Variants in SYNPR observed in about 807,000 individuals in gnomAD.
The protein encoded by SYNPR is synaptoporin.
In SYNPR, 23 loss-of-function variants were observed where a neutral mutation model predicts 32.9. The observed-to-expected ratio is 0.70, with a 90% CI of 0.50 to 0.99. The LOEUF (loss-of-function observed/expected upper bound fraction) is 0.99. SYNPR is among the 50% of genes least tolerant of loss of function. The pLI is 0.00. For missense variants in SYNPR, 318 were observed against 349.3 expected (o/e 0.91, Z 0.71); for synonymous variants, 146 against 135.9 (o/e 1.07, Z -0.52).
intron 2 of SYNPR, among the ~76,000 whole-genome samples, chr3:63,372,119 C>A (rs969331741): frequency 6.6e-6 from 1 of 152,224 alleles, no homozygotes; most frequent in East Asian, 1.9e-4. Context: ...TGACCAACAG[C>A]CCCTCTGCCA....
chr3:63,527,309 C>T (rs1326883916), intron 3 of SYNPR, among the ~76,000 whole-genome samples: 4 of 152,030 alleles, frequency 2.6e-5, no homozygotes, highest in Admixed American at 2.6e-4. Flanking sequence ...TGTCCATGTC[C>T]TCATGGAGAG....
At chr3:63,452,743 G>C (rs1265188015) in intron 2 of SYNPR, among the ~76,000 whole-genome samples, 1 of 152,148 alleles carries the variant, frequency 6.6e-6, no homozygotes, top group African/African-American at 2.4e-5. Flanking sequence ...TGGTGACTCT[G>C]AGAGTATAGC....
At chr3:63,359,609 C>G (rs1489938204) in intron 2 of SYNPR, among the ~76,000 whole-genome samples, 1 of 152,194 alleles carries the variant, frequency 6.6e-6, no homozygotes, top group African/African-American at 2.4e-5. Context: ...TCACTTTGAG[C>G]AGTACTCCAT....
At chr3:63,410,180 T>C (rs2088443101) in intron 2 of SYNPR, among the ~76,000 whole-genome samples, 1 of 152,222 alleles carries the variant, frequency 6.6e-6, no homozygotes, top group Non-Finnish European at 1.5e-5. Context: ...AATTATGAAC[T>C]GTCTACTGTA....
intron 3 of SYNPR, among the ~76,000 whole-genome samples, chr3:63,494,405 A>ATATACG (rs1553641137): frequency 1.7e-4 from 9 of 53,226 alleles, no homozygotes; most frequent in Middle Eastern, 7.5e-3. Context: ...ATATATATAT[A>ATATACG]TATATATATA....
At chr3:63,230,925 T>C (rs535826802) in intron 1 of SYNPR, among the ~76,000 whole-genome samples, 2 of 152,274 alleles carry the variant, frequency 1.3e-5, no homozygotes, top group South Asian at 2.1e-4. Flanking sequence ...AAGGAGGATG[T>C]CAAGAGACTC....
Position 63,278,745 on chromosome 3 carries a change from G to C in SYNPR, c.84+3G>C. 1 of 1,551,600 alleles carries C rather than the reference G, an allele frequency of 6.4e-7. No individual in the cohort carries two copies. The highest frequency in any genetic ancestry group is 8.7e-7 in the Non-Finnish European group (1 of 1,146,996). ...CCTTCCTGCGAGCCCTGGAATTGGTGAGTAGCAGTGTGTGTGCAGGGAGGG... is the reference window on the plus strand; with the variant it reads ...CCTTCCTGCGAGCCCTGGAATTGGTCAGTAGCAGTGTGTGTGCAGGGAGGG... On this transcript the variant is annotated splice_donor_region_variant and intron_variant, in intron 2 of 5. Coordinates refer to ENST00000478300, the MANE Select transcript of SYNPR (RefSeq NM_001130003.2).
At chr3:63,597,089 T>C (rs1467334163) in intron 4 of SYNPR, among the ~76,000 whole-genome samples, 1 of 152,198 alleles carries the variant, frequency 6.6e-6, no homozygotes, top group Non-Finnish European at 1.5e-5. Flanking sequence ...ATATAATCAA[T>C]TGCATCAATT....
At chr3:63,373,778 A>G (rs2087849242) in intron 2 of SYNPR, among the ~76,000 whole-genome samples, 1 of 152,134 alleles carries the variant, frequency 6.6e-6, no homozygotes, top group South Asian at 2.1e-4. Context: ...CATAATCATC[A>G]GATTCTTCAA....
intron 3 of SYNPR, among the ~76,000 whole-genome samples, chr3:63,544,031 G>A (rs1256383679): frequency 6.6e-6 from 1 of 152,006 alleles, no homozygotes; most frequent in African/African-American, 2.4e-5. Flanking sequence ...CCAGGTTAAG[G>A]GGTTTGAATA....
chr3:63,597,263 G>A (rs971773430), intron 4 of SYNPR, among the ~76,000 whole-genome samples: 9 of 152,140 alleles, frequency 5.9e-5, no homozygotes, highest in African/African-American at 1.7e-4. Flanking sequence ...TTAAATAAAT[G>A]TGTTTTTGAA....
intron 3 of SYNPR, among the ~76,000 whole-genome samples, chr3:63,494,240 G>A (rs1701313168): frequency 6.6e-6 from 1 of 151,094 alleles, no homozygotes; most frequent in South Asian, 2.1e-4. Flanking sequence ...AAATGTGGTA[G>A]TAATAGGTGA....
chr3:63,288,850 A>G (rs537035520), intron 2 of SYNPR, among the ~76,000 whole-genome samples: 2 of 152,174 alleles, frequency 1.3e-5, no homozygotes, highest in Non-Finnish European at 1.5e-5. Context: ...GAGGAGGGGA[A>G]AAAGAGGAAT....
chr3:63,388,857 C>T (rs2088093457), intron 2 of SYNPR, among the ~76,000 whole-genome samples: 1 of 152,070 alleles, frequency 6.6e-6, no homozygotes, highest in Non-Finnish European at 1.5e-5. Flanking sequence ...TTCCAAAGCC[C>T]TTAATTGATA....
At chr3:63,260,104 A>G (rs1357717187) in intron 2 of SYNPR, among the ~76,000 whole-genome samples, 2 of 152,336 alleles carry the variant, frequency 1.3e-5, no homozygotes, top group East Asian at 1.9e-4. Flanking sequence ...TTCCATGCTC[A>G]TGGGTAGGAA....
chr3:63,334,131 A>G (rs2087259584), intron 2 of SYNPR, among the ~76,000 whole-genome samples: 1 of 152,210 alleles, frequency 6.6e-6, no homozygotes, highest in Admixed American at 6.5e-5. Context: ...GGACTATATA[A>G]TTGCAAATGG....
intron 2 of SYNPR, chr3:63,443,272 T>C: frequency 1.4e-6 from 2 of 1,442,792 alleles, no homozygotes; most frequent in Non-Finnish European, 9.1e-7. Context: ...AGCTGCTATC[T>C]GATTGGTATA....
At chr3:63,422,336 T>A (rs1159680117) in intron 2 of SYNPR, among the ~76,000 whole-genome samples, 2 of 152,220 alleles carry the variant, frequency 1.3e-5, no homozygotes, top group Non-Finnish European at 2.9e-5. Context: ...GTTTTCCTTT[T>A]TCATTGTTCC....
chr3:63,519,878 G>C (rs941731335), intron 3 of SYNPR, among the ~76,000 whole-genome samples: 1 of 152,108 alleles, frequency 6.6e-6, no homozygotes, highest in East Asian at 1.9e-4. Context: ...AACCAAAAAA[G>C]AAAGTATAAA....
Sources: allele counts gnomAD v4.1 joint callset (sites outside exome capture counted in the v4.1 genomes callset), GRCh38; gene constraint gnomAD v4.1.1; transcripts MANE v1.5; gene names NCBI Gene and HGNC (gene_info 2026-07-23, HGNC 2026-07-21).